ERCC2: variants seen among roughly 807,000 people sequenced by gnomAD.
ERCC2 encodes general transcription and DNA repair factor IIH helicase subunit XPD.
ERCC2 carries 90 observed loss-of-function variants against 99.4 expected under a neutral mutation model. The ratio of observed to expected loss-of-function variants is 0.91; its 90% CI spans 0.76 to 1.08. ERCC2 has a LOEUF of 1.08. ERCC2 is among the 50% of genes least tolerant of loss of function. The pLI, the probability that ERCC2 is intolerant of heterozygous loss-of-function variation, is 0.00. For missense variants in ERCC2, 993 were observed against 1,038.1 expected, an observed-to-expected ratio of 0.96 and a Z score of 0.60; for synonymous variants, 497 against 432.4, an observed-to-expected ratio of 1.15 and a Z score of -1.85.
intron 5 of ERCC2, among the ~76,000 whole-genome samples, chr19:45,365,849 A>G (rs1555778412): frequency 6.6e-6 from 1 of 151,954 alleles, no homozygotes; most frequent in Non-Finnish European, 1.5e-5. Context: ...ATACATACAT[A>G]TTTTTGGAGA....
Position 45,351,090 on chromosome 19 carries a change from G to C in ERCC2, c.*539C>G. ...TGCAGAGATGAGGCAAAGGCAGGGCGGTCGGGCCAGTGGTGGAGTCAGCAG... is the reference window on the plus strand; with the variant it reads ...TGCAGAGATGAGGCAAAGGCAGGGCCGTCGGGCCAGTGGTGGAGTCAGCAG... On this transcript the variant is annotated 3_prime_UTR_variant, in exon 23 of 23. Coordinates refer to ENST00000391945, the MANE Select transcript of ERCC2 (RefSeq NM_000400.4). 7 of 1,611,712 alleles carry C rather than the reference G, an allele frequency of 4.3e-6. No individual in the cohort carries two copies. Among genetic ancestry groups the C allele is most frequent in the South Asian group, 1.1e-5 (1 of 90,832 alleles).
At chr19:45,365,256 C>A in intron 5 of ERCC2, 98 bp from the exon 6 acceptor site, 1 of 849,620 alleles carries the variant, frequency 1.2e-6, no homozygotes, top group South Asian at 1.4e-5. Context: ...GGGTTTTGGA[C>A]AACTTGAACC....
chr19:45,369,145 A>G lies in ERCC2; in HGVS notation c.108T>C (p.Gly36=), dbSNP rs771092482. The G allele has an allele frequency of 1.2e-6, 2 of 1,613,800 alleles. No homozygotes were observed. The change falls in exon 3 of 23, where the codon GGT becomes GGC. Residue 36 remains glycine, a splice_region_variant and synonymous_variant. Coordinates refer to ENST00000391945, the MANE Select transcript of ERCC2 (RefSeq NM_000400.4). ...CTGAGGGCATCTCCAGGACTCCATG[A>G]CCCTGCATGTTGGGGACCAGAGGGG... The part of the protein sequence containing the change: ...RELKRTLDAK[G]HGVLEMPSGT...
In ERCC2 at chr19:45,370,237, C is replaced by T. The variant is rs201443631; in HGVS notation, c.6-5G>A. 20 of 1,612,952 alleles carry T rather than the reference C, an allele frequency of 1.2e-5. No individual in the cohort carries two copies. The highest frequency in any genetic ancestry group is 1.6e-4 in the Middle Eastern group (1 of 6,080). ...AGGAGCCCGTCCACGTTGAGCCTGG[C>T]GGCAGGGGCTGCTGGGTCAGTTCCC... is the stretch of plus-strand genomic sequence containing the variant. On this transcript the variant is annotated splice_polypyrimidine_tract_variant and splice_region_variant and intron_variant, in intron 1 of 22. Transcript: ENST00000391945.
Position 45,354,858 on chromosome 19 carries a change from G to A in ERCC2, c.1544-7C>T. 1 of 1,613,904 alleles carries A rather than the reference G, an allele frequency of 6.2e-7. No homozygotes were observed. The highest frequency in any genetic ancestry group is 8.5e-7 in the Non-Finnish European group (1 of 1,179,882). ...CCATAGTTCCGGATCACAGCTGCAA[G>A]GGGTCAGAGGTTGGGCCCTCTCCTG... On this transcript the variant is annotated splice_region_variant and splice_polypyrimidine_tract_variant and intron_variant, in intron 16 of 22. Transcript: ENST00000391945.
chr19:45,357,408 G>A (rs758132904), intron 14 of ERCC2, 37 bp from the exon 15 acceptor site: 17 of 1,608,474 alleles, frequency 1.1e-5, no homozygotes, highest in Non-Finnish European at 1.4e-5. Flanking sequence ...CAGCAGGACT[G>A]GGCAGGGACC....
rs1159066673 is a variant in ERCC2, at chr19:45,350,750, G to A, written c.*879C>T. ...GAGGCGGCGGCAGGAGCAGCCGGGT[G>A]AGTGTTGATCAGGTCGGCAAAGAGC... On this transcript the variant is annotated 3_prime_UTR_variant, in exon 23 of 23. Coordinates refer to ENST00000391945, the MANE Select transcript of ERCC2 (RefSeq NM_000400.4). 2.5e-6 allele frequency: 4 copies of A among 1,608,340 alleles called. No individual in the cohort carries two copies. Among genetic ancestry groups the A allele is most frequent in the Middle Eastern group, 1.7e-4 (1 of 6,000 alleles).
rs201564801 is a variant in ERCC2 at position 45,351,348 on chromosome 19, C to T, written c.*281G>A. ...TCAGCGCCAGCACCCAGGACCTGAG[C>T]CCCCACTAACGTCCAGTGAACTGCG... On this transcript the variant is annotated 3_prime_UTR_variant, in exon 23 of 23. Transcript: ENST00000391945. 3 of 1,611,188 alleles carry T rather than the reference C, an allele frequency of 1.9e-6. No homozygotes were observed. Among genetic ancestry groups the T allele is most frequent in the African/African-American group, 1.3e-5 (1 of 75,034 alleles).
At chr19:45,358,772 T>C (rs537091096) in intron 12 of ERCC2, 158 of 771,082 alleles carry the variant, frequency 2.0e-4, no homozygotes, top group Non-Finnish European at 2.6e-4. Flanking sequence ...TTTTTCATGA[T>C]AACTGTCACT....
chr19:45,363,591 C>A, intron 11 of ERCC2, 152 bp downstream of exon 11: 1 of 919,656 alleles, frequency 1.1e-6, no homozygotes, highest in Non-Finnish European at 1.6e-6. Flanking sequence ...CCCGGACCTC[C>A]CAGGTCAGAC....
At chr19:45,355,295 T>C (rs1354051845) in intron 16 of ERCC2, among the ~76,000 whole-genome samples, 1 of 152,180 alleles carries the variant, frequency 6.6e-6, no homozygotes, top group African/African-American at 2.4e-5. Context: ...AGGCAGAGAC[T>C]GCAGTGAGCC....
Position 45,351,423 on chromosome 19 carries a change from G to T in ERCC2, c.*206C>A. The T allele has an allele frequency of 6.3e-7, 1 of 1,593,576 alleles. No homozygotes were observed. On this transcript the variant is annotated 3_prime_UTR_variant, in exon 23 of 23. Coordinates refer to ENST00000391945, the MANE Select transcript of ERCC2 (RefSeq NM_000400.4). ...TGCAGGAGGGATGGGCTGGTGGGGT[G>T]AGAGGGGGTCTATCATCTCCTGGCC...
chr19:45,369,260 A>C, intron 2 of ERCC2, 113 bp from the exon 3 acceptor site: 1 of 823,978 alleles, frequency 1.2e-6, no homozygotes, highest in Non-Finnish European at 2.1e-6. Context: ...GCAGGATAAC[A>C]CAGCAGCAGT....
At chr19:45,354,691 TGAG>T (rs1568533990) in intron 17 of ERCC2, 36 bp downstream of exon 17, 5 of 1,612,110 alleles carry the variant, frequency 3.1e-6, no homozygotes, top group African/African-American at 1.3e-5. Flanking sequence ...TGCCAGGGAC[TGAG>T]GAGAGCAGGT....
rs1041239480 is a variant in ERCC2, at chr19:45,363,183, C to A, written c.1118+560G>T. Among the ~76,000 whole-genome samples the A allele has an allele frequency of 3.9e-5, 6 of 152,188 alleles. No homozygotes were observed. In the East Asian group the frequency reaches 7.7e-4, roughly 20 times the overall value. On this transcript the variant is annotated intron_variant, in intron 11 of 22. Transcript: ENST00000391945. ...GTCATTCTCTGCCTGCCCTGTGCCTCAAGAGACTGACTCCCCCAAAATGCG... is the reference window on the plus strand; with the variant it reads ...GTCATTCTCTGCCTGCCCTGTGCCTAAAGAGACTGACTCCCCCAAAATGCG...
intron 12 of ERCC2, 73 bp from the exon 13 acceptor site, chr19:45,357,772 C>T (rs891535722): frequency 1.7e-5 from 22 of 1,328,774 alleles, no homozygotes; most frequent in African/African-American, 1.3e-4. Flanking sequence ...GTCATTCCCT[C>T]TCCTGCTCCC....
intron 12 of ERCC2, among the ~76,000 whole-genome samples, chr19:45,361,039 G>A (rs535208071): frequency 1.2e-4 from 18 of 151,900 alleles, no homozygotes; most frequent in Non-Finnish European, 2.1e-4. Flanking sequence ...GCTGAGGCAG[G>A]AGAATTGCTT....
Position 45,350,928 on chromosome 19 carries a change from T to C in ERCC2, c.*701A>G. On this transcript the variant is annotated 3_prime_UTR_variant, in exon 23 of 23. Coordinates refer to ENST00000391945, the MANE Select transcript of ERCC2 (RefSeq NM_000400.4). Reference sequence around the variant, plus strand: ...GGGGGGCCACTCCTGGATTCACTCATTTCCTCCCTGCTGCCCTCTTTGCAG... The same window carrying C: ...GGGGGGCCACTCCTGGATTCACTCACTTCCTCCCTGCTGCCCTCTTTGCAG... The C allele has an allele frequency of 6.2e-7, 1 of 1,612,002 alleles. No homozygotes were observed. The highest frequency in any genetic ancestry group is 8.5e-7 in the Non-Finnish European group (1 of 1,178,496).
intron 1 of ERCC2, 70 bp from the exon 2 acceptor site, chr19:45,370,302 G>A: frequency 6.3e-7 from 1 of 1,582,170 alleles, no homozygotes; most frequent in South Asian, 1.1e-5. Flanking sequence ...GTGCCCGGTC[G>A]TCGAGCCCAG....
Sources: gnomAD v4.1 joint callset for allele counts (sites outside exome capture counted in the v4.1 genomes callset) on GRCh38, gnomAD v4.1.1 for gene constraint, MANE v1.5 for transcripts, NCBI Gene and HGNC (gene_info 2026-07-23, HGNC 2026-07-21) for gene names.